Variants in SNX16 observed in about 807,000 individuals in gnomAD.
SNX16 encodes sorting nexin 16.
A neutral mutation model predicts 36.7 loss-of-function variants in SNX16; 35 were observed. The observed-to-expected ratio is 0.95, with a 90% CI of 0.73 to 1.27. SNX16 has a LOEUF of 1.27. SNX16 is among the 50% of genes most tolerant of loss of function. SNX16 has a pLI of 0.00. For synonymous variants in SNX16, 134 were observed against 132.0 expected, an observed-to-expected ratio of 1.02 and a Z score of -0.10; for missense variants, 367 against 393.6, an observed-to-expected ratio of 0.93 and a Z score of 0.57.
chr8:81,836,793 T>TTTAAA (rs1303259041), intron 2 of SNX16, among the ~76,000 whole-genome samples: 2 of 152,208 alleles, frequency 1.3e-5, no homozygotes, highest in African/African-American at 2.4e-5. Context: ...AGAATGAACT[T>TTTAAA]TTTAAAACAT....
intron 5 of SNX16, among the ~76,000 whole-genome samples, chr8:81,804,642 TAAACTCA>T (rs1245126015): frequency 6.6e-6 from 1 of 151,952 alleles, no homozygotes; most frequent in Admixed American, 6.5e-5. Context: ...ATATATAAAA[TAAACTCA>T]AAACTTAACA....
rs998612899 is a variant in SNX16 at position 81,800,099 on chromosome 8, T to G, written c.*1398A>C. 1.3e-5 allele frequency: 2 copies of G among 151,834 alleles called. No homozygotes were observed. Among genetic ancestry groups the G allele is most frequent in the African/African-American group, 4.8e-5 (2 of 41,418 alleles). 9.4% of individuals were successfully genotyped at this position (151,834 alleles called of 1,614,324 possible). ...CATTGAATGTGTTGATATATGTCATTAGAATTTTAAACAGCCACACCTTAA... is the reference window on the plus strand; with the variant it reads ...CATTGAATGTGTTGATATATGTCATGAGAATTTTAAACAGCCACACCTTAA... On this transcript the variant is annotated 3_prime_UTR_variant, in exon 8 of 8. Coordinates refer to ENST00000345957, the MANE Select transcript of SNX16 (RefSeq NM_152836.3).
In SNX16 at chr8:81,803,103, C is replaced by T. The variant is rs766574290; in HGVS notation, c.807G>A (p.Glu269=). The part of the protein sequence containing the change: ...SEKQLHIDTL[E]NRIRTLSLEP... ...GTATCACAACACACCTGATTCTGTT[C>T]TCTAAAGTGTCTATATGAAGTTGCT... Residue 269 remains glutamate (E), a synonymous_variant, in exon 6 of 8, where the codon GAG becomes GAA. Coordinates refer to ENST00000345957, the MANE Select transcript of SNX16 (RefSeq NM_152836.3). 3 of 1,607,670 alleles carry T rather than the reference C, an allele frequency of 1.9e-6. No individual in the cohort carries two copies. The highest frequency in any genetic ancestry group is 2.5e-6 in the Non-Finnish European group (3 of 1,177,482).
intron 3 of SNX16, among the ~76,000 whole-genome samples, chr8:81,828,336 T>C (rs138407035): frequency 6.6e-6 from 1 of 152,184 alleles, no homozygotes; most frequent in African/African-American, 2.4e-5. Context: ...ATCTGTCAGC[T>C]TGACAGGTGA....
Position 81,823,938 on chromosome 8 carries a change from T to C in SNX16, c.465A>G (p.Leu155=), listed in dbSNP as rs1432603739. The change falls in exon 4 of 8, where the codon TTA becomes TTG. Residue 155 remains leucine, a splice_region_variant and synonymous_variant. Coordinates refer to ENST00000345957, the MANE Select transcript of SNX16 (RefSeq NM_152836.3). ...YTDFSRLNDK[L]KEMFPGFRLA... ...GTCGAAAACCTGGAAACATCTCTTT[T>C]AACTGAAAAAGAAGAAAAGAGCAAA... 2 of 1,605,798 alleles carry C rather than the reference T, an allele frequency of 1.2e-6. No homozygotes were observed. Among genetic ancestry groups the C allele is most frequent in the East Asian group, 2.2e-5 (1 of 44,666 alleles).
At chr8:81,810,408 G>A (rs1810183199) in intron 5 of SNX16, among the ~76,000 whole-genome samples, 1 of 152,136 alleles carries the variant, frequency 6.6e-6, no homozygotes. Context: ...GGGTTAATAA[G>A]TCATTTTGGG....
chr8:81,815,526 T>C (rs1294853827), intron 4 of SNX16, 132 bp from the exon 5 acceptor site: 29 of 563,940 alleles, frequency 5.1e-5, no homozygotes, highest in Non-Finnish European at 7.1e-5. Context: ...AGTAACTAAA[T>C]ATAAATATAA....
At chr8:81,815,549 T>C in intron 4 of SNX16, 155 bp from the exon 5 acceptor site, 1 of 505,494 alleles carries the variant, frequency 2.0e-6, no homozygotes, top group Non-Finnish European at 3.5e-6. Flanking sequence ...CTATAGAAGA[T>C]GCAAAGATCT....
intron 5 of SNX16, among the ~76,000 whole-genome samples, chr8:81,810,729 G>A (rs1810199376): frequency 6.6e-6 from 1 of 152,098 alleles, no homozygotes; most frequent in Admixed American, 6.5e-5. Flanking sequence ...GGTAATGTCT[G>A]GAGACATTTT....
In SNX16 at chr8:81,840,065, T is replaced by G. The variant is rs1238916390; in HGVS notation, c.-79A>C. 2.1e-6 allele frequency: 3 copies of G among 1,444,128 alleles called. No homozygotes were observed. In the Admixed American group the frequency reaches 6.9e-5, roughly 33 times the overall value. The allele number at this position is 1,444,128 out of a possible 1,614,324, so 89.5% of individuals were successfully genotyped here. A position where few individuals can be genotyped will look rare whatever the true frequency, so the allele number is the denominator to read the frequency against. On this transcript the variant is annotated 5_prime_UTR_variant, in exon 2 of 8. Coordinates refer to ENST00000345957, the MANE Select transcript of SNX16 (RefSeq NM_152836.3). Reference sequence around the variant, plus strand: ...AACTAATATGCAATCCATTATTTTCTTCTTAGGAATTCACTATCTAAAAAT... The same window carrying G: ...AACTAATATGCAATCCATTATTTTCGTCTTAGGAATTCACTATCTAAAAAT...
intron 2 of SNX16, among the ~76,000 whole-genome samples, chr8:81,831,378 T>C (rs1811258717): frequency 6.6e-6 from 1 of 152,146 alleles, no homozygotes; most frequent in East Asian, 1.9e-4. Flanking sequence ...AAAGGTCTAA[T>C]ATCCAGAATC....
At chr8:81,810,911 C>T (rs924606500) in intron 5 of SNX16, among the ~76,000 whole-genome samples, 1 of 152,172 alleles carries the variant, frequency 6.6e-6, no homozygotes, top group Non-Finnish European at 1.5e-5. Flanking sequence ...TCAGCTTCCA[C>T]TCTTCCCCTG....
intron 2 of SNX16, 111 bp from the exon 3 acceptor site, chr8:81,829,627 T>C (rs1811164430): frequency 2.5e-6 from 1 of 399,116 alleles, no homozygotes; most frequent in Non-Finnish European, 4.4e-6. Flanking sequence ...ACTATAACAA[T>C]TATTATGTAA....
intron 5 of SNX16, chr8:81,808,233 C>T (rs570752581): frequency 3.2e-5 from 41 of 1,263,762 alleles, no homozygotes; most frequent in Admixed American, 3.0e-4. Flanking sequence ...TAACCTTTCA[C>T]GACCATGACT....
chr8:81,831,557 A>T (rs931433254), intron 2 of SNX16, among the ~76,000 whole-genome samples: 1 of 151,520 alleles, frequency 6.6e-6, no homozygotes, highest in African/African-American at 2.4e-5. Context: ...AATTAGCCAG[A>T]TGTGGTGGTG....
At chr8:81,802,574 A>AGCTAAAGACT in intron 6 of SNX16, 75 bp from the exon 7 acceptor site, 14 of 1,293,358 alleles carry the variant, frequency 1.1e-5, no homozygotes, top group Non-Finnish European at 1.5e-5. Context: ...GAATACAGGT[A>AGCTAAAGACT]GCTATAGCAG....
At chr8:81,816,546 GA>G (rs1810506998) in intron 4 of SNX16, among the ~76,000 whole-genome samples, 3 of 151,990 alleles carry the variant, frequency 2.0e-5, no homozygotes, top group Admixed American at 2.0e-4. Context: ...TGCTAAAAGG[GA>G]ATGGGGCTTT....
In SNX16 at chr8:81,801,412, A is replaced by C. The variant is rs938559064; in HGVS notation, c.*85T>G. ...TCTTGCTCTTTTCTATATGTTTTACAGTTCTTGGTTCTTCTTTTAAAATAG... is the reference window on the plus strand; with the variant it reads ...TCTTGCTCTTTTCTATATGTTTTACCGTTCTTGGTTCTTCTTTTAAAATAG... On this transcript the variant is annotated 3_prime_UTR_variant, in exon 8 of 8. Coordinates refer to ENST00000345957, the MANE Select transcript of SNX16 (RefSeq NM_152836.3). 5.4e-6 allele frequency: 4 copies of C among 735,230 alleles called. No individual in the cohort carries two copies. Among genetic ancestry groups the C allele is most frequent in the Non-Finnish European group, 8.6e-6 (4 of 467,800 alleles). 45.5% of individuals were successfully genotyped at this position (735,230 alleles called of 1,614,324 possible).
intron 3 of SNX16, among the ~76,000 whole-genome samples, chr8:81,825,606 G>A (rs909036422): frequency 1.3e-5 from 2 of 152,100 alleles, no homozygotes; most frequent in African/African-American, 4.8e-5. Context: ...GTCTAGCATA[G>A]TGCCTGCTAC....
Sources: allele counts gnomAD v4.1 joint callset (sites outside exome capture counted in the v4.1 genomes callset), GRCh38; gene constraint gnomAD v4.1.1; transcripts MANE v1.5; gene names NCBI Gene and HGNC (gene_info 2026-07-23, HGNC 2026-07-21).